BRD10: variants seen among roughly 807,000 people sequenced by gnomAD.
BRD10 encodes bromodomain containing 10, also known as uncharacterized bromodomain-containing protein 10.
At chr9:5,889,837 C>T in the BRD10 span, among the ~76,000 whole-genome samples, 3 of 152,030 alleles carry the variant, frequency 2.0e-5, no homozygotes, top group African/African-American at 4.8e-5. Context: ...ATTCATGGTC[C>T]GACACCGCAA....
At chr9:5,985,721 G>A in the BRD10 span, among the ~76,000 whole-genome samples, 1 of 152,120 alleles carries the variant, frequency 6.6e-6, no homozygotes, top group Middle Eastern at 3.4e-3. Context: ...GGAGGCGGAG[G>A]TTGTGGTGAG....
the BRD10 span, chr9:5,921,999 A>G: frequency 1.9e-5 from 31 of 1,613,874 alleles, no homozygotes; most frequent in African/African-American, 5.3e-5. Flanking sequence ...ACAGGTGAAA[A>G]AGCAGAGGAA....
the BRD10 span, among the ~76,000 whole-genome samples, chr9:5,939,979 G>C: frequency 3.3e-5 from 5 of 152,154 alleles, no homozygotes; most frequent in Non-Finnish European, 5.9e-5. Context: ...TAGCATCTCT[G>C]ATCTAAGCTT....
the BRD10 span, among the ~76,000 whole-genome samples, chr9:5,978,437 C>T: frequency 0.048 from 6,727 of 140,044 alleles, 389 homozygotes; most frequent in African/African-American, 0.14. Flanking sequence ...ATAAAATGTA[C>T]ACAAATTGAT....
At chr9:5,883,372 T>C in the BRD10 span, among the ~76,000 whole-genome samples, 1 of 152,084 alleles carries the variant, frequency 6.6e-6, no homozygotes, top group Non-Finnish European at 1.5e-5. Context: ...ACAAAGCTAA[T>C]TTCATTCTGG....
At chr9:5,972,759 C>T in the BRD10 span, among the ~76,000 whole-genome samples, 844 of 152,248 alleles carry the variant, frequency 5.5e-3, 7 homozygotes, top group Middle Eastern at 6.8e-3. Flanking sequence ...AGCCAAATAA[C>T]CCTCTTTTCT....
At chr9:5,930,353 A>AAT in the BRD10 span, among the ~76,000 whole-genome samples, 15 of 127,550 alleles carry the variant, frequency 1.2e-4, 1 homozygote, top group Admixed American at 1.2e-3. Context: ...TAAATTTCCC[A>AAT]ATATATATAA....
chr9:5,894,714 G>C, the BRD10 span, among the ~76,000 whole-genome samples: 14 of 152,300 alleles, frequency 9.2e-5, no homozygotes, highest in South Asian at 4.1e-4. The surrounding 1 kb of genome is among the most constrained non-coding windows in gnomAD (Gnocchi z 4.0). Flanking sequence ...ATCCTGACAG[G>C]AGCCAGAAGC....
At chr9:5,914,303 A>G in the BRD10 span, among the ~76,000 whole-genome samples, 1 of 151,974 alleles carries the variant, frequency 6.6e-6, no homozygotes, top group Admixed American at 6.6e-5. Context: ...TCCTTACTTA[A>G]TAATTTAATC....
the BRD10 span, among the ~76,000 whole-genome samples, chr9:5,914,419 T>G: frequency 9.0e-6 from 1 of 111,092 alleles, no homozygotes; most frequent in Non-Finnish European, 1.8e-5. Context: ...GGTTTTTTTT[T>G]TTTTTTTTTT....
chr9:5,920,682 T>G, the BRD10 span: 2 of 1,613,902 alleles, frequency 1.2e-6, no homozygotes, highest in Non-Finnish European at 1.7e-6. Flanking sequence ...ACAGAACGTG[T>G]GGCTCCTGGT....
the BRD10 span, among the ~76,000 whole-genome samples, chr9:5,989,408 G>A: frequency 6.8e-6 from 1 of 147,350 alleles, no homozygotes; most frequent in Non-Finnish European, 1.5e-5. Flanking sequence ...TCCAGCCTGG[G>A]TGACAGAGTT....
chr9:5,988,920 T>C, the BRD10 span, among the ~76,000 whole-genome samples: 2 of 152,112 alleles, frequency 1.3e-5, no homozygotes, highest in Admixed American at 1.3e-4. Context: ...TGTAAAATGA[T>C]ACATAAACAC....
the BRD10 span, chr9:5,892,495 C>T: frequency 5.6e-6 from 9 of 1,613,838 alleles, no homozygotes; most frequent in Middle Eastern, 3.3e-4. Context: ...AAGATGCTCA[C>T]TTCATCTATG....
the BRD10 span, among the ~76,000 whole-genome samples, chr9:5,966,455 C>T: frequency 5.6e-4 from 47 of 83,766 alleles, no homozygotes; most frequent in South Asian, 1.8e-3. Flanking sequence ...CTAACATTTC[C>T]TTTTTTTTTT....
the BRD10 span, among the ~76,000 whole-genome samples, chr9:5,915,328 G>A: frequency 1.3e-5 from 2 of 152,044 alleles, no homozygotes; most frequent in African/African-American, 4.8e-5. Flanking sequence ...TACTATTTAA[G>A]TATTTACTAT....
At chr9:5,922,423 G>A in the BRD10 span, 5 of 1,613,972 alleles carry the variant, frequency 3.1e-6, no homozygotes, top group Non-Finnish European at 4.2e-6. Flanking sequence ...TACTTACAGA[G>A]GTTACAGGCG....
chr9:5,884,001 C>T, the BRD10 span, among the ~76,000 whole-genome samples: 3 of 152,204 alleles, frequency 2.0e-5, no homozygotes, highest in Admixed American at 6.5e-5. Context: ...TGTTGACAGT[C>T]TTACACACCA....
chr9:5,917,756 G>A, the BRD10 span, among the ~76,000 whole-genome samples: 1 of 152,202 alleles, frequency 6.6e-6, no homozygotes, highest in African/African-American at 2.4e-5. Context: ...AGGAGGCTGA[G>A]GTGGGAGAAT....
Sources: gnomAD v4.1 joint callset for allele counts (sites outside exome capture counted in the v4.1 genomes callset) on GRCh38, gnomAD v4.1.1 for gene constraint, Gnocchi (gnomAD v3.1) non-coding constraint, MANE v1.5 for transcripts, NCBI Gene and HGNC (gene_info 2026-07-23, HGNC 2026-07-21) for gene names.